Variants in GFOD2 observed in about 807,000 individuals in gnomAD.
GFOD2 encodes Gfo/Idh/MocA-like oxidoreductase domain containing 2, also known as glucose-fructose oxidoreductase domain-containing protein 2.
Under a neutral mutation model 24.6 loss-of-function variants are expected in GFOD2, and 9 were observed. The ratio of observed to expected loss-of-function variants is 0.37; its 90% CI spans 0.22 to 0.64. The LOEUF is 0.64. GFOD2 is among the 30% of genes least tolerant of loss of function. GFOD2 has a pLI of 0.65. For missense variants in GFOD2, 476 were observed against 532.5 expected (o/e 0.89, Z 1.04); for synonymous variants, 211 against 224.8 (o/e 0.94, Z 0.55).
chr16:67,694,865 G>C (rs1389158552), intron 1 of GFOD2, among the ~76,000 whole-genome samples: 1 of 151,968 alleles, frequency 6.6e-6, no homozygotes, highest in Admixed American at 6.6e-5. Context: ...GTGAAGCTTG[G>C]CTTGCCTCCT....
chr16:67,700,374 CA>C (rs879329140), intron 1 of GFOD2, among the ~76,000 whole-genome samples: 32 of 130,500 alleles, frequency 2.5e-4, no homozygotes, highest in South Asian at 4.7e-4. Context: ...GACTCCGTCT[CA>C]AAAAAAAAAA....
chr16:67,679,842 G>C (rs2053211049), intron 2 of GFOD2, among the ~76,000 whole-genome samples: 1 of 151,682 alleles, frequency 6.6e-6, no homozygotes, highest in African/African-American at 2.4e-5. Context: ...AGCTGAGATA[G>C]TGCCATTGCC....
intron 1 of GFOD2, among the ~76,000 whole-genome samples, chr16:67,704,218 ATTTAG>A (rs1268534346): frequency 6.6e-6 from 1 of 152,196 alleles, no homozygotes; most frequent in Non-Finnish European, 1.5e-5. Context: ...AATAAATTTC[ATTTAG>A]TTTAATTTGG....
intron 1 of GFOD2, among the ~76,000 whole-genome samples, chr16:67,709,140 A>T (rs1232211408): frequency 2.6e-5 from 4 of 151,922 alleles, no homozygotes; most frequent in African/African-American, 9.7e-5. Flanking sequence ...CCTTCTCCAC[A>T]AAAAATACAA....
intron 2 of GFOD2, chr16:67,681,218 A>G (rs958287962): frequency 4.1e-6 from 4 of 985,386 alleles, no homozygotes; most frequent in African/African-American, 1.7e-5. Context: ...TGGCCAATTC[A>G]GAAGCCTCCT....
intron 1 of GFOD2, among the ~76,000 whole-genome samples, chr16:67,717,042 G>C (rs997186999): frequency 6.6e-6 from 1 of 152,024 alleles, no homozygotes; most frequent in Admixed American, 6.6e-5. Context: ...GATTACAGGC[G>C]TGCACCACCA....
chr16:67,685,385 G>A (rs2053258238), intron 2 of GFOD2, 72 bp downstream of exon 2: 1 of 1,602,050 alleles, frequency 6.2e-7, no homozygotes, highest in Admixed American at 1.7e-5. Context: ...GCTCAGAGGA[G>A]AGGAGTGACC....
Position 67,717,187 on chromosome 16 carries a change from C to T in GFOD2, c.-88+1976G>A, listed in dbSNP as rs970059972. ...CTAGGATTACAGGCATGAGCTACTG[C>T]GCCCGGCCCAAAGCTTTCTTCTTTA... On this transcript the variant is annotated intron_variant, in intron 1 of 2. Coordinates refer to ENST00000268797, the MANE Select transcript of GFOD2 (RefSeq NM_030819.4). Among the ~76,000 whole-genome samples, 71 of 152,160 alleles carry T rather than the reference C, an allele frequency of 4.7e-4. 1 individual carries two copies. Among genetic ancestry groups the T allele is most frequent in the African/African-American group, 1.6e-3 (67 of 41,426 alleles).
chr16:67,683,864 C>G, intron 2 of GFOD2: 3 of 1,194,714 alleles, frequency 2.5e-6, no homozygotes, highest in Non-Finnish European at 3.1e-6. Context: ...ACACTTGGCT[C>G]CTATTACCTC....
chr16:67,675,513 A>G lies in GFOD2; in HGVS notation c.800T>C (p.Leu267Pro). The change falls in exon 3 of 3, where the codon CTC becomes CCC. Residue 267 changes from leucine (L) to proline (P), a missense_variant. Physicochemically the swap from Leu to Pro is moderately conservative, Grantham distance 98. Coordinates refer to ENST00000268797, the MANE Select transcript of GFOD2 (RefSeq NM_030819.4). ...CGTGGCAGAGTTCTTCTGCCCATAG[A>G]GGTCGGCTCCCCGGGCGACGAGGCG... ...AGRLVARGAD[L>P]YGQKNSATQE... 1 of 1,612,594 alleles carries G rather than the reference A, an allele frequency of 6.2e-7. No homozygotes were observed. Among genetic ancestry groups the G allele is most frequent in the South Asian group, 1.1e-5 (1 of 91,092 alleles).
intron 1 of GFOD2, among the ~76,000 whole-genome samples, chr16:67,709,506 T>C (rs1266618889): frequency 2.0e-5 from 3 of 152,068 alleles, no homozygotes; most frequent in Admixed American, 6.6e-5. Context: ...GTGTACAGTC[T>C]AGGAGGAGAG....
chr16:67,681,270 T>A (rs1253656212), intron 2 of GFOD2: 1 of 985,264 alleles, frequency 1.0e-6, no homozygotes, highest in East Asian at 1.1e-4. Context: ...GATACTGCAG[T>A]GTGAGGCAGA....
chr16:67,681,286 G>C (rs2053223336), intron 2 of GFOD2: 1 of 985,442 alleles, frequency 1.0e-6, no homozygotes, highest in South Asian at 4.7e-5. Flanking sequence ...GCAGAGAGGA[G>C]GTGGGTTTAG....
chr16:67,679,897 AAACAAC>A (rs907631579), intron 2 of GFOD2, among the ~76,000 whole-genome samples: 4 of 149,320 alleles, frequency 2.7e-5, no homozygotes, highest in African/African-American at 1.0e-4. Flanking sequence ...AAAAAAAAAA[AAACAAC>A]AACAACAACA....
chr16:67,691,510 C>T (rs571277222), intron 1 of GFOD2, among the ~76,000 whole-genome samples: 5 of 144,696 alleles, frequency 3.5e-5, no homozygotes, highest in South Asian at 2.5e-4. Context: ...GTGCCTAGAC[C>T]CCCCCCCAAA....
At chr16:67,703,036 G>C (rs1327676993) in intron 1 of GFOD2, among the ~76,000 whole-genome samples, 3 of 152,198 alleles carry the variant, frequency 2.0e-5, no homozygotes, top group African/African-American at 7.2e-5. Context: ...TAGACCCTCA[G>C]CAGAAGGTGC....
rs184838133 is a variant in GFOD2 at position 67,679,271 on chromosome 16, C to T, written c.260-3218G>A. Among the ~76,000 whole-genome samples, 966 of 141,160 alleles carry T rather than the reference C, an allele frequency of 6.8e-3. 5 individuals are homozygous for T. The highest frequency in any genetic ancestry group is 0.011 in the Non-Finnish European group (747 of 65,928). 92.6% of individuals were successfully genotyped at this position (141,160 alleles called of 152,430 possible). A position where few individuals can be genotyped will look rare whatever the true frequency, so the allele number is the denominator to read the frequency against. On this transcript the variant is annotated intron_variant, in intron 2 of 2. Coordinates refer to ENST00000268797, the MANE Select transcript of GFOD2 (RefSeq NM_030819.4). ...TTTTGAGACAGAGTTTTGCTCTTGTCGCCCAGGCTGGAGTGCAATGGTACG... is the reference window on the plus strand; with the variant it reads ...TTTTGAGACAGAGTTTTGCTCTTGTTGCCCAGGCTGGAGTGCAATGGTACG...
At chr16:67,701,281 T>C (rs2142996429) in intron 1 of GFOD2, among the ~76,000 whole-genome samples, 1 of 152,250 alleles carries the variant, frequency 6.6e-6, no homozygotes, top group Non-Finnish European at 1.5e-5. Flanking sequence ...AAATGAAAAC[T>C]TATATTCACA....
intron 2 of GFOD2, chr16:67,683,073 G>T: frequency 2.4e-6 from 1 of 418,136 alleles, no homozygotes; most frequent in Non-Finnish European, 3.2e-6. Flanking sequence ...CGATCCTTCT[G>T]CCTCAGCCTC....
Sources: gnomAD v4.1 joint callset for allele counts (sites outside exome capture counted in the v4.1 genomes callset) on GRCh38, gnomAD v4.1.1 for gene constraint, MANE v1.5 for transcripts, NCBI Gene and HGNC (gene_info 2026-07-23, HGNC 2026-07-21) for gene names.